The following EXOC6B variants were observed in gnomAD, a reference collection of about 807,000 sequenced individuals.
EXOC6B encodes the protein exocyst complex component 6B, also known as SEC15 homolog B.
Under a neutral mutation model 113.5 loss-of-function variants are expected in EXOC6B, and 54 were observed. That is an observed-to-expected ratio of 0.48 (90% CI 0.38 to 0.60). EXOC6B has a LOEUF of 0.60. Ranked by LOEUF, EXOC6B falls within the 20% of genes least tolerant of loss-of-function variation. The pLI is 0.00. For synonymous variants in EXOC6B, 357 were observed against 339.0 expected, an observed-to-expected ratio of 1.05 and a Z score of -0.58; for missense variants, 797 against 977.5, an observed-to-expected ratio of 0.82 and a Z score of 2.46.
At chr2:72,457,504 A>T (rs779815458) in intron 18 of EXOC6B, among the ~76,000 whole-genome samples, 3 of 152,074 alleles carry the variant, frequency 2.0e-5, no homozygotes, top group Non-Finnish European at 4.4e-5. Context: ...CATACAAATT[A>T]ACATTAACAA....
intron 1 of EXOC6B, among the ~76,000 whole-genome samples, chr2:72,784,886 A>T (rs1451590391): frequency 1.3e-5 from 2 of 152,168 alleles, no homozygotes; most frequent in South Asian, 2.1e-4. Flanking sequence ...TTTCAGCATT[A>T]ACCCAAAAGT....
chr2:72,291,825 G>T (rs73943321), intron 20 of EXOC6B, among the ~76,000 whole-genome samples: 1,815 of 152,188 alleles, frequency 0.012, 44 homozygotes, highest in African/African-American at 0.041. Context: ...AATGACACAG[G>T]CTCAAGAACT....
chr2:72,515,659 T>C (rs1701175498), intron 8 of EXOC6B: 2 of 989,196 alleles, frequency 2.0e-6, no homozygotes, highest in Non-Finnish European at 2.4e-6. Context: ...AGATTCCTGG[T>C]GCACAGCCCC....
At chr2:72,695,861 G>C (rs1473901312) in intron 6 of EXOC6B, among the ~76,000 whole-genome samples, 3 of 152,196 alleles carry the variant, frequency 2.0e-5, no homozygotes, top group South Asian at 4.1e-4. Context: ...CTCCAGTGCA[G>C]TGGGAAGAGT....
chr2:72,644,801 A>G (rs1673566524), intron 6 of EXOC6B, among the ~76,000 whole-genome samples: 1 of 152,208 alleles, frequency 6.6e-6, no homozygotes, highest in South Asian at 2.1e-4. Context: ...CTAAACATGG[A>G]AAGGAACGAC....
intron 19 of EXOC6B, 30 bp downstream of exon 19, chr2:72,379,699 A>G: frequency 6.4e-7 from 1 of 1,559,518 alleles, no homozygotes; most frequent in South Asian, 1.2e-5. Flanking sequence ...CTGGTAAGAT[A>G]AACAAGCACA....
At chr2:72,304,167 G>A (rs1307634803) in intron 20 of EXOC6B, among the ~76,000 whole-genome samples, 1 of 152,180 alleles carries the variant, frequency 6.6e-6, no homozygotes, top group Non-Finnish European at 1.5e-5. Flanking sequence ...TTTAAGGAAT[G>A]TGTGGTATTC....
chr2:72,637,658 C>T lies in EXOC6B; in HGVS notation c.670-61990G>A, dbSNP rs1203688971. Among the ~76,000 whole-genome samples, 3 of 152,130 alleles carry T rather than the reference C, an allele frequency of 2.0e-5. No homozygotes were observed. The East Asian group carries it at 5.8e-4, about 29-fold the overall frequency. On this transcript the variant is annotated intron_variant, in intron 6 of 21. Coordinates refer to ENST00000272427, the MANE Select transcript of EXOC6B (RefSeq NM_015189.3). ...TACAAAAATTAGCCAGGCATGGTGGCACTCGCCTTTAGTCCCAGCTACTGG... is the reference window on the plus strand; with the variant it reads ...TACAAAAATTAGCCAGGCATGGTGGTACTCGCCTTTAGTCCCAGCTACTGG...
chr2:72,712,823 T>C (rs147433766), intron 6 of EXOC6B, among the ~76,000 whole-genome samples: 9 of 152,262 alleles, frequency 5.9e-5, no homozygotes, highest in Non-Finnish European at 1.0e-4. Flanking sequence ...GTTTAACACA[T>C]GCAATTAAAG....
At chr2:72,639,882 A>G (rs2104333267) in intron 6 of EXOC6B, among the ~76,000 whole-genome samples, 1 of 152,348 alleles carries the variant, frequency 6.6e-6, no homozygotes, top group East Asian at 1.9e-4. Flanking sequence ...AGCAAGCTCA[A>G]GGATTAAAGG....
At chr2:72,548,514 CTTATG>C (rs1162724052) in intron 8 of EXOC6B, among the ~76,000 whole-genome samples, 1 of 152,098 alleles carries the variant, frequency 6.6e-6, no homozygotes, top group Non-Finnish European at 1.5e-5. Context: ...CTTTTTGTTA[CTTATG>C]TTATGATCCT....
At chr2:72,811,949 T>C (rs1424368094) in intron 1 of EXOC6B, among the ~76,000 whole-genome samples, 1 of 152,184 alleles carries the variant, frequency 6.6e-6, no homozygotes, top group Non-Finnish European at 1.5e-5. Context: ...TGATACTTAA[T>C]GAGAAAAGAC....
At chr2:72,283,083 ACACCC>A (rs1162793690) in intron 20 of EXOC6B, among the ~76,000 whole-genome samples, 4 of 152,168 alleles carry the variant, frequency 2.6e-5, no homozygotes, top group African/African-American at 9.6e-5. Flanking sequence ...ATAGAACACT[ACACCC>A]AATAACTGCA....
At chr2:72,573,985 G>A (rs1190088860) in intron 7 of EXOC6B, among the ~76,000 whole-genome samples, 2 of 151,984 alleles carry the variant, frequency 1.3e-5, no homozygotes, top group South Asian at 2.1e-4. Flanking sequence ...GCATGGTGGC[G>A]GGCGCCTGTA....
In EXOC6B at chr2:72,542,931, G is replaced by A. The variant is rs1702688193; in HGVS notation, c.915+16522C>T. ...TTGTAGGGAAAAAATGTAGAAATAG[G>A]GAAAGGAAGCAAAATGTGTAAGAGA... is the stretch of plus-strand genomic sequence containing the variant. On this transcript the variant is annotated intron_variant, in intron 8 of 21. Transcript: ENST00000272427. 2.6e-5 allele frequency among the ~76,000 whole-genome samples: 4 copies of A among 152,090 alleles called. No individual in the cohort carries two copies. In the South Asian group the frequency reaches 8.3e-4, roughly 32 times the overall value.
intron 19 of EXOC6B, among the ~76,000 whole-genome samples, chr2:72,365,206 T>C (rs1690546406): frequency 6.6e-6 from 1 of 151,986 alleles, no homozygotes; most frequent in Admixed American, 6.6e-5. Context: ...TTTTCTTTTT[T>C]CCCCACCATT....
At chr2:72,515,684 G>A in intron 8 of EXOC6B, 7 of 988,348 alleles carry the variant, frequency 7.1e-6, no homozygotes, top group Non-Finnish European at 8.4e-6. Flanking sequence ...TTCGTTTAGG[G>A]TTTCTGGGCT....
chr2:72,739,897 C>G (rs1231516525), intron 2 of EXOC6B, among the ~76,000 whole-genome samples: 1 of 151,958 alleles, frequency 6.6e-6, no homozygotes, highest in East Asian at 1.9e-4. Context: ...TTTTTTAAAA[C>G]CTTAGGACCT....
At chr2:72,271,673 T>C (rs1684492910) in intron 20 of EXOC6B, among the ~76,000 whole-genome samples, 1 of 152,176 alleles carries the variant, frequency 6.6e-6, no homozygotes, top group African/African-American at 2.4e-5. Flanking sequence ...TGTTTACCTC[T>C]AGAGAAAAAC....
Sources: gnomAD v4.1 joint callset for allele counts (sites outside exome capture counted in the v4.1 genomes callset) on GRCh38, gnomAD v4.1.1 for gene constraint, MANE v1.5 for transcripts, NCBI Gene and HGNC (gene_info 2026-07-23, HGNC 2026-07-21) for gene names.